MAP3K9: variants seen among roughly 807,000 people sequenced by gnomAD.
MAP3K9 encodes mitogen-activated protein kinase kinase kinase 9.
In MAP3K9, 46 loss-of-function variants were observed where a neutral mutation model predicts 95.8. The observed-to-expected ratio is 0.48, with a 90% CI of 0.38 to 0.61. The LOEUF (loss-of-function observed/expected upper bound fraction) is 0.61, where lower values mean the gene tolerates loss of function less well. Ranked by LOEUF, MAP3K9 falls within the 20% of genes least tolerant of loss-of-function variation. The pLI is 0.00. For missense variants in MAP3K9, 1,296 were observed against 1,474.3 expected, an observed-to-expected ratio of 0.88 and a Z score of 1.98; for synonymous variants, 533 against 593.8, an observed-to-expected ratio of 0.90 and a Z score of 1.49.
At chr14:70,779,421 G>T (rs1391024717) in intron 2 of MAP3K9, among the ~76,000 whole-genome samples, 1 of 152,224 alleles carries the variant, frequency 6.6e-6, no homozygotes, top group African/African-American at 2.4e-5. Flanking sequence ...GGATGGAAAG[G>T]ATGGGACAGT....
chr14:70,800,406 T>C lies in MAP3K9; in HGVS notation c.820+261A>G, dbSNP rs1032125011. ...TTACACATTCTGATATGTGGAAAAA[T>C]AGTAGGGAAGGCCACTCTAGACTGC... On this transcript the variant is annotated intron_variant, in intron 2 of 11. Transcript: ENST00000554752. Among the ~76,000 whole-genome samples the C allele has an allele frequency of 9.2e-5, 14 of 151,806 alleles. No homozygotes were observed. In the East Asian group the frequency reaches 2.7e-3, roughly 29 times the overall value.
chr14:70,783,680 T>C (rs1339783527), intron 2 of MAP3K9, among the ~76,000 whole-genome samples: 1 of 152,226 alleles, frequency 6.6e-6, no homozygotes, highest in Non-Finnish European at 1.5e-5. Context: ...CTAAAAGTGT[T>C]AAGTGGGCAC....
chr14:70,749,783 G>C, intron 4 of MAP3K9, 150 bp downstream of exon 4: 1 of 837,632 alleles, frequency 1.2e-6, no homozygotes. Context: ...TCTTGAAGAA[G>C]CCTTTCCAGT....
At chr14:70,759,148 A>G (rs2054336105) in intron 3 of MAP3K9, among the ~76,000 whole-genome samples, 1 of 152,134 alleles carries the variant, frequency 6.6e-6, no homozygotes, top group African/African-American at 2.4e-5. Flanking sequence ...TGGATGATAA[A>G]AATGTTCTGG....
At chr14:70,746,047 C>A (rs2054142266) in intron 5 of MAP3K9, among the ~76,000 whole-genome samples, 1 of 152,120 alleles carries the variant, frequency 6.6e-6, no homozygotes, top group Admixed American at 6.5e-5. Context: ...GTTTTCATTA[C>A]CAAGAGAAGA....
At position 70,729,134 on chromosome 14, in the gene MAP3K9, T is replaced by C. The variant is rs2053859603; in HGVS notation, c.*1246A>G. On this transcript the variant is annotated 3_prime_UTR_variant, in exon 12 of 12. Transcript: ENST00000554752. ...TACCTGTGCACAGGCCTTGGTCAGT[T>C]TTCAGTATGGGGGACCTCAAGGTTA... 1 of 152,198 alleles carries C rather than the reference T, an allele frequency of 6.6e-6. No homozygotes were observed. The highest frequency in any genetic ancestry group is 2.1e-4 in the South Asian group (1 of 4,808). 9.4% of individuals were successfully genotyped at this position (152,198 alleles called of 1,614,324 possible).
rs1411645898 is a variant in MAP3K9 at position 70,797,558 on chromosome 14, C to T, written c.820+3109G>A. Among the ~76,000 whole-genome samples, 11 of 151,882 alleles carry T rather than the reference C, an allele frequency of 7.2e-5. 1 individual carries two copies. Among genetic ancestry groups the T allele is most frequent in the Admixed American group, 3.3e-4 (5 of 15,244 alleles). On this transcript the variant is annotated intron_variant, in intron 2 of 11. Coordinates refer to ENST00000554752, the MANE Select transcript of MAP3K9 (RefSeq NM_001284230.2). ...TTCGAGACCAGGCTGGCCAACATGG[C>T]GAAACCCCACCTCTACTAAAAATAC...
intron 5 of MAP3K9, among the ~76,000 whole-genome samples, chr14:70,746,352 C>T (rs919044810): frequency 6.6e-6 from 1 of 152,334 alleles, no homozygotes; most frequent in East Asian, 1.9e-4. Context: ...TGACACCATT[C>T]ACCTGGAGGA....
chr14:70,750,766 C>T (rs1480944968), intron 3 of MAP3K9, among the ~76,000 whole-genome samples: 3 of 152,064 alleles, frequency 2.0e-5, no homozygotes, highest in African/African-American at 4.8e-5. Context: ...AGATTATAGG[C>T]GTGAGCCACC....
intron 2 of MAP3K9, among the ~76,000 whole-genome samples, chr14:70,775,522 G>A (rs2054586864): frequency 6.6e-6 from 1 of 152,152 alleles, no homozygotes; most frequent in Admixed American, 6.6e-5. Context: ...TTTGCCTGGG[G>A]ACAGTCTCAT....
intron 2 of MAP3K9, among the ~76,000 whole-genome samples, chr14:70,793,267 C>T (rs903560300): frequency 6.6e-6 from 1 of 152,172 alleles, no homozygotes; most frequent in African/African-American, 2.4e-5. Context: ...GGGGAGGAGG[C>T]AGAGGCGTTT....
Position 70,732,728 on chromosome 14 carries a change from C to A in MAP3K9, c.2641G>T (p.Val881Phe), listed in dbSNP as rs765196740. 6.2e-7 allele frequency: 1 copy of A among 1,603,940 alleles called. No individual in the cohort carries two copies. The highest frequency in any genetic ancestry group is 8.5e-7 in the Non-Finnish European group (1 of 1,172,828). ...PLSPCTHNPL[V>F]NVRVERFKRD... is the part of the protein sequence containing the mutation. ...TTGAAGCGCTCTACTCGGACATTGACCAGGGGGTTGTGGGTACATGGACTC... is the reference window on the plus strand; with the variant it reads ...TTGAAGCGCTCTACTCGGACATTGAACAGGGGGTTGTGGGTACATGGACTC... The change falls in exon 11 of 12, where the codon GTC becomes TTC. Residue 881 changes from valine (V) to phenylalanine (F), a missense_variant. This residue lies in a region of MAP3K9 where 433 missense variants were observed against 441.4 expected (regional missense o/e 0.98). Coordinates refer to ENST00000554752, the MANE Select transcript of MAP3K9 (RefSeq NM_001284230.2).
chr14:70,730,937 C>A (rs750582924), intron 11 of MAP3K9, 73 bp from the exon 12 acceptor site: 9 of 1,431,122 alleles, frequency 6.3e-6, no homozygotes, highest in Non-Finnish European at 8.4e-6. Flanking sequence ...GCTACTCCCC[C>A]CCAACACCAC....
rs142372930 is a variant in MAP3K9, at chr14:70,769,682, C to A, written c.821-8500G>T. On this transcript the variant is annotated intron_variant, in intron 2 of 11. Coordinates refer to ENST00000554752, the MANE Select transcript of MAP3K9 (RefSeq NM_001284230.2). ...GCCAGTAGTTTTTAGTGTCCCTTGG[C>A]TCGTAGCAGCGTTAAGTCTAATCTC... Among the ~76,000 whole-genome samples, 49 of 152,316 alleles carry A rather than the reference C, an allele frequency of 3.2e-4. No homozygotes were observed. The East Asian group carries it at 4.4e-3, about 14-fold the overall frequency.
chr14:70,738,236 G>A lies in MAP3K9; in HGVS notation c.1844+9C>T. On this transcript the variant is annotated intron_variant, in intron 8 of 11. Coordinates refer to ENST00000554752, the MANE Select transcript of MAP3K9 (RefSeq NM_001284230.2). ...AGAGAGAAAGAATTTCATGTCATCTGGCACTTACCCTTCATCTCCCGAGGC... is the reference window on the plus strand; with the variant it reads ...AGAGAGAAAGAATTTCATGTCATCTAGCACTTACCCTTCATCTCCCGAGGC... The A allele has an allele frequency of 6.2e-7, 1 of 1,602,794 alleles. No homozygotes were observed. The highest frequency in any genetic ancestry group is 1.1e-5 in the South Asian group (1 of 89,304).
In MAP3K9 at chr14:70,761,095, C is replaced by T. The variant is rs988982557; in HGVS notation, c.908G>A (p.Arg303Gln). Residue 303 changes from arginine (R) to glutamine (Q), a missense_variant, in exon 3 of 12, where the codon CGA becomes CAA. This residue lies in a region of MAP3K9 where 136 missense variants were observed against 221.5 expected (regional missense o/e 0.61). Transcript: ENST00000554752. The stretch of plus-strand genomic sequence containing the variant: ...CCCTGCCGCACTCATCTTGGTGGTT[C>T]GGTGCCATTCCCGAGCCAGGCCAAA... ...TDFGLAREWH[R>Q]TTKMSAAGTY... The T allele has an allele frequency of 2.8e-5, 45 of 1,613,932 alleles. No homozygotes were observed. In the Middle Eastern group the frequency reaches 4.9e-4, roughly 18 times the overall value.
rs752282268 is a variant in MAP3K9, at chr14:70,801,089, G to A, written c.407-9C>T. 66 of 1,586,698 alleles carry A rather than the reference G, an allele frequency of 4.2e-5. No homozygotes were observed. The highest frequency in any genetic ancestry group is 7.2e-5 in the Admixed American group (4 of 55,510). On this transcript the variant is annotated splice_polypyrimidine_tract_variant and intron_variant, in intron 1 of 11. Coordinates refer to ENST00000554752, the MANE Select transcript of MAP3K9 (RefSeq NM_001284230.2). ...AAAATCAATTTCTAACACTGAGAAA[G>A]GGAAGAAAAAAAGAAGCAAGTCAAA...
intron 7 of MAP3K9, 162 bp downstream of exon 7, chr14:70,739,880 G>C (rs1443788645): frequency 1.3e-6 from 2 of 1,580,064 alleles, no homozygotes; most frequent in Non-Finnish European, 1.7e-6. Flanking sequence ...CAAGGGAGAG[G>C]GCTAAGGGTT....
intron 2 of MAP3K9, among the ~76,000 whole-genome samples, chr14:70,790,492 A>T (rs1167206916): frequency 2.6e-5 from 4 of 152,328 alleles, no homozygotes; most frequent in African/African-American, 4.8e-5. Context: ...AGTCAGTGTC[A>T]AGGACAGCCC....
Sources: allele counts gnomAD v4.1 joint callset (sites outside exome capture counted in the v4.1 genomes callset), GRCh38; gene constraint gnomAD v4.1.1; regional missense constraint gnomAD v4.1.1; transcripts MANE v1.5; gene names NCBI Gene and HGNC (gene_info 2026-07-23, HGNC 2026-07-21).